The following ANP32A variants were observed in gnomAD, a reference collection of about 807,000 sequenced individuals.
The protein encoded by ANP32A is acidic nuclear phosphoprotein 32 family member A.
A neutral mutation model predicts 33.9 loss-of-function variants in ANP32A; 1 was observed. That is an observed-to-expected ratio of 0.03 (90% confidence interval 0.01 to 0.14). ANP32A has a LOEUF of 0.14. Among genes scored for constraint, ANP32A ranks in the 10% least tolerant of loss-of-function variants. ANP32A has a pLI of 1.00. For synonymous variants in ANP32A, 115 were observed against 120.5 expected, an observed-to-expected ratio of 0.95 and a Z score of 0.30; for missense variants, 155 against 306.0, an observed-to-expected ratio of 0.51 and a Z score of 3.68.
At chr15:68,806,648 T>C (rs778081597) in intron 1 of ANP32A, among the ~76,000 whole-genome samples, 6 of 152,270 alleles carry the variant, frequency 3.9e-5, no homozygotes, top group Non-Finnish European at 5.9e-5. Flanking sequence ...CTGCTCATTA[T>C]GGCTTCAGGC....
chr15:68,816,364 G>A (rs968350730), intron 1 of ANP32A, among the ~76,000 whole-genome samples: 3 of 152,124 alleles, frequency 2.0e-5, no homozygotes, highest in Admixed American at 1.3e-4. Context: ...GATAACCCCT[G>A]TATGCCTCAA....
intron 5 of ANP32A, 29 bp downstream of exon 5, chr15:68,782,927 G>A (rs1040439236): frequency 1.3e-5 from 20 of 1,550,446 alleles, no homozygotes; most frequent in East Asian, 4.9e-5. Context: ...AGGGGCAGAC[G>A]GTGGCCCTGC....
At chr15:68,806,702 G>A (rs1479923189) in intron 1 of ANP32A, among the ~76,000 whole-genome samples, 1 of 152,264 alleles carries the variant, frequency 6.6e-6, no homozygotes, top group Non-Finnish European at 1.5e-5. Context: ...AGAGACAGCT[G>A]AAAGCTTCAC....
At chr15:68,820,513 G>A (rs1894458148) in intron 1 of ANP32A, among the ~76,000 whole-genome samples, 185 bp downstream of exon 1, 1 of 151,994 alleles carries the variant, frequency 6.6e-6, no homozygotes, top group Admixed American at 6.5e-5. Context: ...GGCGGCGGCA[G>A]CCGGAACATG....
At chr15:68,817,630 G>A (rs1350349333) in intron 1 of ANP32A, 1 of 152,278 alleles carries the variant, frequency 6.6e-6, no homozygotes, top group African/African-American at 2.4e-5. Context: ...CTGAGCGCCT[G>A]CAGGAGGAAC....
chr15:68,793,225 G>A (rs1894020406), intron 1 of ANP32A, among the ~76,000 whole-genome samples: 1 of 152,200 alleles, frequency 6.6e-6, no homozygotes, highest in Non-Finnish European at 1.5e-5. Flanking sequence ...ATTGCGCCAG[G>A]TATAACATTA....
At position 68,788,896 on chromosome 15, in the gene ANP32A, G is replaced by A. The variant is rs371167838; in HGVS notation, c.55-977C>T. Among the ~76,000 whole-genome samples, 64 of 152,294 alleles carry A rather than the reference G, an allele frequency of 4.2e-4. 1 individual carries two copies. In the South Asian group the frequency reaches 0.013, roughly 30 times the overall value. On this transcript the variant is annotated intron_variant, in intron 1 of 6. Transcript: ENST00000465139. ...TTATTTCTAATGAGGTAGAAAGAAC[G>A]AATAAAAAGCCACCCTCTCACAGGG...
Position 68,780,009 on chromosome 15 carries a change from G to C in ANP32A, c.*72C>G, listed in dbSNP as rs539894717. 73 of 1,358,248 alleles carry C rather than the reference G, an allele frequency of 5.4e-5. 1 individual carries two copies. Among genetic ancestry groups the C allele is most frequent in the South Asian group, 4.0e-4 (32 of 79,234 alleles). 84.1% of individuals were successfully genotyped at this position (1,358,248 alleles called of 1,614,324 possible). On this transcript the variant is annotated 3_prime_UTR_variant, in exon 7 of 7. Transcript: ENST00000465139. The surrounding 1 kb of genome is among the most constrained non-coding windows in gnomAD (Gnocchi z 4.3). ...TAAGTTTCAGGGGGCAGGATTGGAGGGGGGGGGGAGAGGGGATATGGGTAA... is the reference window on the plus strand; with the variant it reads ...TAAGTTTCAGGGGGCAGGATTGGAGCGGGGGGGGAGAGGGGATATGGGTAA...
chr15:68,778,622 T>C lies in ANP32A; in HGVS notation c.*1459A>G, dbSNP rs1429401746. The stretch of plus-strand genomic sequence containing the variant: ...ACGACAAACAAAACAATGAAAGATA[T>C]TCAAAACAAGGTTCCAAGGTTGGCC... On this transcript the variant is annotated 3_prime_UTR_variant, in exon 7 of 7. Coordinates refer to ENST00000465139, the MANE Select transcript of ANP32A (RefSeq NM_006305.4). 6.6e-6 allele frequency: 1 copy of C among 152,228 alleles called. No individual in the cohort carries two copies. The highest frequency in any genetic ancestry group is 2.4e-5 in the African/African-American group (1 of 41,466). The allele number at this position is 152,228 out of a possible 1,614,324, so 9.4% of individuals were successfully genotyped here.
At position 68,787,252 on chromosome 15, in the gene ANP32A, C is replaced by T. The variant is rs142734260; in HGVS notation, c.327+161G>A. On this transcript the variant is annotated intron_variant, in intron 3 of 6. Coordinates refer to ENST00000465139, the MANE Select transcript of ANP32A (RefSeq NM_006305.4). ...TTAACTTCTCTGGGCCTCAGTTTCTCTATGGACTCAGCAGAAACAATAGCT... is the reference window on the plus strand; with the variant it reads ...TTAACTTCTCTGGGCCTCAGTTTCTTTATGGACTCAGCAGAAACAATAGCT... 399 of 1,041,292 alleles carry T rather than the reference C, an allele frequency of 3.8e-4. 2 individuals are homozygous for T. The African/African-American group carries it at 5.6e-3, about 15-fold the overall frequency. The allele number at this position is 1,041,292 out of a possible 1,614,324, so 64.5% of individuals were successfully genotyped here.
At chr15:68,820,345 G>C (rs1894455500) in intron 1 of ANP32A, among the ~76,000 whole-genome samples, 1 of 152,036 alleles carries the variant, frequency 6.6e-6, no homozygotes, top group South Asian at 2.1e-4. Context: ...ACGGAGTCAC[G>C]GGAGCAGCGA....
chr15:68,780,006 G>C lies in ANP32A; in HGVS notation c.*75C>G. 7.3e-7 allele frequency: 1 copy of C among 1,373,910 alleles called. No homozygotes were observed. Among genetic ancestry groups the C allele is most frequent in the Non-Finnish European group, 1.0e-6 (1 of 986,800 alleles). 85.1% of individuals were successfully genotyped at this position (1,373,910 alleles called of 1,614,324 possible). ...AAATAAGTTTCAGGGGGCAGGATTGGAGGGGGGGGGGAGAGGGGATATGGG... is the reference window on the plus strand; with the variant it reads ...AAATAAGTTTCAGGGGGCAGGATTGCAGGGGGGGGGGAGAGGGGATATGGG... On this transcript the variant is annotated 3_prime_UTR_variant, in exon 7 of 7. Coordinates refer to ENST00000465139, the MANE Select transcript of ANP32A (RefSeq NM_006305.4). The surrounding 1 kb of genome is among the most constrained non-coding windows in gnomAD (Gnocchi z 4.3).
chr15:68,817,997 G>C (rs1232616502), intron 1 of ANP32A, among the ~76,000 whole-genome samples: 2 of 152,326 alleles, frequency 1.3e-5, no homozygotes, highest in South Asian at 2.1e-4. Flanking sequence ...TAACGCCTCG[G>C]CGCCCTTCGG....
Position 68,779,723 on chromosome 15 carries a change from A to C in ANP32A, c.*358T>G, listed in dbSNP as rs764555387. 7.9e-5 allele frequency: 16 copies of C among 203,174 alleles called. No individual in the cohort carries two copies. The highest frequency in any genetic ancestry group is 1.6e-4 in the Non-Finnish European group (16 of 100,380). The allele number at this position is 203,174 out of a possible 1,614,324, so 12.6% of individuals were successfully genotyped here. ...GCCACAGCCTTCCAACCAACCCAAG[A>C]GACTTGGGAAATACCAGGAAACGTA... is the stretch of plus-strand genomic sequence containing the variant. On this transcript the variant is annotated 3_prime_UTR_variant, in exon 7 of 7. Transcript: ENST00000465139.
intron 1 of ANP32A, among the ~76,000 whole-genome samples, chr15:68,818,469 C>G (rs1053929629): frequency 2.0e-5 from 3 of 152,052 alleles, no homozygotes; most frequent in Admixed American, 1.3e-4. Flanking sequence ...CCCCCTCCCC[C>G]GCAAATGTGC....
intron 2 of ANP32A, 45 bp downstream of exon 2, chr15:68,787,725 T>TCCCC: frequency 6.3e-7 from 1 of 1,597,692 alleles, no homozygotes; most frequent in Non-Finnish European, 8.6e-7. Flanking sequence ...CCCTTCCCAC[T>TCCCC]CCCCACCCCC....
chr15:68,803,884 C>T (rs943745447), intron 1 of ANP32A, among the ~76,000 whole-genome samples: 2 of 149,386 alleles, frequency 1.3e-5, no homozygotes, highest in Non-Finnish European at 3.0e-5. Context: ...TCACTACAAC[C>T]TCCGCCTCCC....
intron 1 of ANP32A, among the ~76,000 whole-genome samples, chr15:68,818,495 C>T (rs1894421053): frequency 6.6e-6 from 1 of 152,016 alleles, no homozygotes; most frequent in African/African-American, 2.4e-5. Flanking sequence ...GTGCCCCCTC[C>T]TCCGCCACCC....
chr15:68,787,559 A>G, intron 2 of ANP32A, 24 bp from the exon 3 acceptor site: 6 of 1,613,962 alleles, frequency 3.7e-6, no homozygotes, highest in Non-Finnish European at 5.1e-6. Flanking sequence ...GGAAAGAAAA[A>G]GCAGAAACAG....
Sources: allele counts gnomAD v4.1 joint callset (sites outside exome capture counted in the v4.1 genomes callset), GRCh38; gene constraint gnomAD v4.1.1; non-coding constraint Gnocchi (gnomAD v3.1); transcripts MANE v1.5; gene names NCBI Gene and HGNC (gene_info 2026-07-23, HGNC 2026-07-21).